The following ANKS1B variants were observed in gnomAD, a reference collection of about 807,000 sequenced individuals.
ANKS1B encodes ankyrin repeat and sterile alpha motif domain-containing protein 1B.
A neutral mutation model predicts 148.3 loss-of-function variants in ANKS1B; 36 were observed. That is an observed-to-expected ratio of 0.24 (90% CI 0.19 to 0.32). ANKS1B has a LOEUF of 0.32. Ranked by LOEUF, ANKS1B falls within the 10% of genes least tolerant of loss-of-function variation. The pLI is 1.00. For synonymous variants in ANKS1B, 542 were observed against 560.8 expected, an observed-to-expected ratio of 0.97 and a Z score of 0.47; for missense variants, 1,157 against 1,542.6, an observed-to-expected ratio of 0.75 and a Z score of 4.19.
chr12:99,716,776 C>T (rs1254786550), intron 8 of ANKS1B, among the ~76,000 whole-genome samples: 1 of 152,118 alleles, frequency 6.6e-6, no homozygotes, highest in Non-Finnish European at 1.5e-5. Context: ...TCCCCTCAGT[C>T]CCAACCCCAA....
chr12:99,345,405 A>G (rs1391770266), intron 12 of ANKS1B, among the ~76,000 whole-genome samples: 1 of 152,090 alleles, frequency 6.6e-6, no homozygotes, highest in Admixed American at 6.6e-5. Flanking sequence ...AATGCAAGAG[A>G]TAGTTTAGAG....
chr12:99,895,578 C>T (rs2093352307), intron 1 of ANKS1B, among the ~76,000 whole-genome samples: 1 of 150,982 alleles, frequency 6.6e-6, no homozygotes, highest in Admixed American at 6.6e-5. Context: ...AAAAAACAAA[C>T]TTGACTAAAT....
At chr12:99,883,353 A>C (rs2092639953) in intron 1 of ANKS1B, among the ~76,000 whole-genome samples, 1 of 152,016 alleles carries the variant, frequency 6.6e-6, no homozygotes, top group Non-Finnish European at 1.5e-5. Context: ...AAACAAACAA[A>C]AAAAGAACCT....
intron 15 of ANKS1B, among the ~76,000 whole-genome samples, chr12:99,146,171 C>A (rs1425885327): frequency 6.6e-6 from 1 of 152,042 alleles, no homozygotes; most frequent in African/African-American, 2.4e-5. Flanking sequence ...ATATGCCAAG[C>A]CCTGTGGTAG....
chr12:98,948,780 C>A (rs1036631438), intron 17 of ANKS1B, among the ~76,000 whole-genome samples: 2 of 147,476 alleles, frequency 1.4e-5, no homozygotes, highest in African/African-American at 5.1e-5. Context: ...CCCCCCCACA[C>A]ACACACATGC....
chr12:98,858,530 G>T (rs1333249769), intron 17 of ANKS1B, among the ~76,000 whole-genome samples: 1 of 152,092 alleles, frequency 6.6e-6, no homozygotes, highest in Non-Finnish European at 1.5e-5. Flanking sequence ...TGTAGAGATG[G>T]GGTTTCGTCA....
intron 14 of ANKS1B, among the ~76,000 whole-genome samples, chr12:99,233,277 A>G (rs1223502109): frequency 6.6e-6 from 1 of 152,116 alleles, no homozygotes; most frequent in Non-Finnish European, 1.5e-5. Flanking sequence ...AGTACAGTGT[A>G]TAATTTAATC....
chr12:99,147,474 C>T lies in ANKS1B; in HGVS notation c.2526+6815G>A, dbSNP rs527239596. On this transcript the variant is annotated intron_variant, in intron 15 of 26. Transcript: ENST00000683438. Reference sequence around the variant, plus strand: ...ACCATATTAAGGATTTTAGAAATGCCCTATAATCTCTCCCATAGGTAACTG... The same window carrying T: ...ACCATATTAAGGATTTTAGAAATGCTCTATAATCTCTCCCATAGGTAACTG... Among the ~76,000 whole-genome samples the T allele has an allele frequency of 2.6e-5, 4 of 152,124 alleles. No individual in the cohort carries two copies. The South Asian group carries it at 8.3e-4, about 32-fold the overall frequency.
intron 11 of ANKS1B, among the ~76,000 whole-genome samples, chr12:99,438,817 C>A (rs767228563): frequency 6.6e-6 from 1 of 151,650 alleles, no homozygotes; most frequent in Non-Finnish European, 1.5e-5. Context: ...AGATAGGGAA[C>A]AAGGCAATAA....
chr12:99,144,232 A>C (rs1241186986), intron 15 of ANKS1B, among the ~76,000 whole-genome samples: 1 of 152,072 alleles, frequency 6.6e-6, no homozygotes, highest in Non-Finnish European at 1.5e-5. Flanking sequence ...ACCCAAATAA[A>C]TATTTCTTGT....
chr12:98,793,952 T>C (rs2098919398), intron 22 of ANKS1B, among the ~76,000 whole-genome samples: 1 of 152,180 alleles, frequency 6.6e-6, no homozygotes, highest in Admixed American at 6.5e-5. Flanking sequence ...AGCAAATCCT[T>C]CACTTCACCA....
intron 11 of ANKS1B, among the ~76,000 whole-genome samples, chr12:99,412,796 T>C (rs1387010305): frequency 6.6e-6 from 1 of 152,186 alleles, no homozygotes; most frequent in East Asian, 1.9e-4. Flanking sequence ...CTTTGAAGAC[T>C]GTATATAAGA....
At chr12:99,503,464 ATT>A (rs2096675260) in intron 10 of ANKS1B, among the ~76,000 whole-genome samples, 1 of 152,144 alleles carries the variant, frequency 6.6e-6, no homozygotes. Flanking sequence ...ACTTCTACCC[ATT>A]CTGTTCTTTT....
chr12:99,452,641 T>C (rs1018806488), intron 10 of ANKS1B, among the ~76,000 whole-genome samples: 2 of 152,218 alleles, frequency 1.3e-5, no homozygotes, highest in Non-Finnish European at 2.9e-5. Flanking sequence ...AAGTATCCTG[T>C]TTCAGTATTT....
chr12:99,826,081 A>T (rs1009378304), intron 1 of ANKS1B, among the ~76,000 whole-genome samples: 1 of 152,178 alleles, frequency 6.6e-6, no homozygotes, highest in Admixed American at 6.5e-5. Flanking sequence ...TAAGGCACTG[A>T]AAGACACTTT....
At chr12:99,894,311 G>A (rs868520868) in intron 1 of ANKS1B, among the ~76,000 whole-genome samples, 1 of 85,988 alleles carries the variant, frequency 1.2e-5, no homozygotes, top group East Asian at 2.7e-4. Flanking sequence ...GAGGGAGGGA[G>A]GGAGGGAGGG....
intron 1 of ANKS1B, among the ~76,000 whole-genome samples, chr12:99,833,713 C>T (rs1277804555): frequency 6.6e-6 from 1 of 152,126 alleles, no homozygotes; most frequent in Admixed American, 6.6e-5. Context: ...AACTGTCATA[C>T]ATTTTTTAAA....
chr12:99,827,183 G>T (rs537920118), intron 1 of ANKS1B, among the ~76,000 whole-genome samples: 3 of 151,756 alleles, frequency 2.0e-5, no homozygotes, highest in Admixed American at 2.0e-4. Context: ...CCAAATTCAG[G>T]GGATATATAT....
At chr12:99,552,917 T>C (rs1237972302) in intron 9 of ANKS1B, among the ~76,000 whole-genome samples, 1 of 152,242 alleles carries the variant, frequency 6.6e-6, no homozygotes, top group Non-Finnish European at 1.5e-5. Context: ...GAAAAAAGTC[T>C]GTACATGTTC....
Sources: allele counts gnomAD v4.1 joint callset (sites outside exome capture counted in the v4.1 genomes callset), GRCh38; gene constraint gnomAD v4.1.1; transcripts MANE v1.5; gene names NCBI Gene and HGNC (gene_info 2026-07-23, HGNC 2026-07-21).